Variants in BBS9 observed in about 807,000 individuals in gnomAD.
BBS9 encodes the protein Bardet-Biedl syndrome 9.
In BBS9, 89 loss-of-function variants were observed where a neutral mutation model predicts 117.7. The observed-to-expected ratio is 0.76, with a 90% CI of 0.64 to 0.90. The LOEUF is 0.90. Among genes scored for constraint, BBS9 ranks in the 40% least tolerant of loss-of-function variants. The pLI is 0.00. For synonymous variants in BBS9, 379 were observed against 370.9 expected (o/e 1.02, Z -0.25); for missense variants, 982 against 1,042.2 (o/e 0.94, Z 0.80).
chr7:33,411,011 G>GTTTTGTTTT (rs1831033488), intron 19 of BBS9, among the ~76,000 whole-genome samples: 1 of 96,424 alleles, frequency 1.0e-5, no homozygotes, highest in African/African-American at 3.4e-5. Context: ...AAATGTTGGT[G>GTTTTGTTTT]TTTTTTTTTT....
At chr7:33,212,866 T>A (rs1368821891) in intron 5 of BBS9, among the ~76,000 whole-genome samples, 1 of 151,920 alleles carries the variant, frequency 6.6e-6, no homozygotes, top group African/African-American at 2.4e-5. Flanking sequence ...TTGAACGTAG[T>A]CTCTCTCTCT....
Position 33,328,324 on chromosome 7 carries a change from A to G in BBS9, c.1017-8117A>G, listed in dbSNP as rs145163762. Among the ~76,000 whole-genome samples, 208 of 152,302 alleles carry G rather than the reference A, an allele frequency of 1.4e-3. 1 individual carries two copies. The highest frequency in any genetic ancestry group is 4.8e-3 in the African/African-American group (198 of 41,546). On this transcript the variant is annotated intron_variant, in intron 9 of 22. Transcript: ENST00000242067. ...ATTGCTTTTATTTAAAGTAAGTTTG[A>G]AGTCCTCCCAATTAGACCAAAGATT...
chr7:33,273,765 GA>G, intron 8 of BBS9, 61 bp from the exon 9 acceptor site: 1 of 1,504,268 alleles, frequency 6.6e-7, no homozygotes, highest in South Asian at 1.1e-5. Context: ...TTTCCTAAAA[GA>G]GATATACTTT....
rs369370229 is a variant in BBS9 at position 33,278,687 on chromosome 7, C to T, written c.1016+4731C>T. On this transcript the variant is annotated intron_variant, in intron 9 of 22. Coordinates refer to ENST00000242067, the MANE Select transcript of BBS9 (RefSeq NM_198428.3). Reference sequence around the variant, plus strand: ...TTTCTTCACTGTAATTAGATCTCTGCCCTATGGGTCGACAGTGCCTCACCA... The same window carrying T: ...TTTCTTCACTGTAATTAGATCTCTGTCCTATGGGTCGACAGTGCCTCACCA... Among the ~76,000 whole-genome samples, 28 of 152,194 alleles carry T rather than the reference C, an allele frequency of 1.8e-4. No individual in the cohort carries two copies. In the East Asian group the frequency reaches 5.2e-3, roughly 28 times the overall value.
chr7:33,368,062 A>G (rs1398850245), intron 17 of BBS9, among the ~76,000 whole-genome samples, 200 bp downstream of exon 17: 4 of 152,194 alleles, frequency 2.6e-5, no homozygotes, highest in Admixed American at 1.3e-4. Context: ...GATGTTGCCC[A>G]AGATTACCTT....
At chr7:33,607,248 A>G (rs980500652), downstream of BBS9, among the ~76,000 whole-genome samples, 2 of 152,162 alleles carry the variant, frequency 1.3e-5, no homozygotes, top group Non-Finnish European at 2.9e-5. Flanking sequence ...CCGGTGATTT[A>G]GAACATTGTG....
chr7:33,482,816 T>C (rs1466426214), intron 19 of BBS9, among the ~76,000 whole-genome samples: 2 of 152,204 alleles, frequency 1.3e-5, no homozygotes, highest in Non-Finnish European at 2.9e-5. Flanking sequence ...TGGCCATTCA[T>C]ACCTTACTAT....
rs1789397572 is a variant in BBS9, at chr7:33,217,947, G to A, written c.443-39289G>A. On this transcript the variant is annotated intron_variant, in intron 5 of 22. Transcript: ENST00000242067. ...ATTGGTTGTACATTAAAAGCAAATG[G>A]CGAAAGGAAATAAACAGAAGTATAA... Among the ~76,000 whole-genome samples, 4 of 151,954 alleles carry A rather than the reference G, an allele frequency of 2.6e-5. No homozygotes were observed. The South Asian group carries it at 6.2e-4, about 24-fold the overall frequency.
intron 20 of BBS9, among the ~76,000 whole-genome samples, chr7:33,510,686 A>G (rs767989496): frequency 6.6e-6 from 1 of 152,216 alleles, no homozygotes; most frequent in African/African-American, 2.4e-5. Context: ...AATTTAAATA[A>G]AAAGAAATAA....
intron 9 of BBS9, among the ~76,000 whole-genome samples, chr7:33,276,265 A>G (rs1800749553): frequency 6.6e-6 from 1 of 152,254 alleles, no homozygotes; most frequent in African/African-American, 2.4e-5. Context: ...CATAAAGTTT[A>G]GGAAGGTTTT....
intron 21 of BBS9, among the ~76,000 whole-genome samples, chr7:33,603,389 AAAG>A (rs1257041799): frequency 2.0e-5 from 3 of 152,258 alleles, no homozygotes; most frequent in African/African-American, 4.8e-5. Context: ...GGATGAGTGT[AAAG>A]AAGAAGAAAA....
chr7:33,288,750 A>G (rs1803405627), intron 9 of BBS9, among the ~76,000 whole-genome samples: 1 of 152,340 alleles, frequency 6.6e-6, no homozygotes, highest in Admixed American at 6.5e-5. Flanking sequence ...CACTGTTCTA[A>G]GAATTTATAT....
At chr7:33,497,078 G>C (rs1324431813) in intron 19 of BBS9, among the ~76,000 whole-genome samples, 3 of 152,190 alleles carry the variant, frequency 2.0e-5, no homozygotes, top group Non-Finnish European at 4.4e-5. Context: ...TAGACTGAGA[G>C]TGCGCCTTTC....
intron 5 of BBS9, chr7:33,177,823 TA>T: frequency 2.0e-6 from 1 of 491,142 alleles, no homozygotes; most frequent in Non-Finnish European, 3.6e-6. Flanking sequence ...AGTACTTGGA[TA>T]GGAGACCAAA....
rs1314628621 is a variant in BBS9 at position 33,628,968 on chromosome 7, A to G, written c.2522-6209A>G. The stretch of plus-strand genomic sequence containing the variant: ...AAATGCAATGTAACAAGCACTTCAC[A>G]GTAGTGCACCCAGAGAACCATGAGC... On this transcript the variant is annotated intron_variant, in intron 21 of 21. Coordinates refer to the BBS9 transcript ENST00000671952. 2.0e-5 allele frequency among the ~76,000 whole-genome samples: 3 copies of G among 152,220 alleles called. No homozygotes were observed. The South Asian group carries it at 6.2e-4, about 32-fold the overall frequency.
At chr7:33,326,798 G>T (rs1812948141) in intron 9 of BBS9, among the ~76,000 whole-genome samples, 3 of 151,826 alleles carry the variant, frequency 2.0e-5, no homozygotes, top group Admixed American at 6.6e-5. Context: ...GCTTGGAATG[G>T]GTACCCGAGG....
chr7:33,364,451 C>T (rs1315193114), intron 16 of BBS9, among the ~76,000 whole-genome samples: 1 of 151,944 alleles, frequency 6.6e-6, no homozygotes, highest in Admixed American at 6.6e-5. Flanking sequence ...GGAAGGTTTT[C>T]TCTTATTGTT....
chr7:33,459,762 A>G (rs978538057), intron 19 of BBS9, among the ~76,000 whole-genome samples: 21 of 152,134 alleles, frequency 1.4e-4, no homozygotes, highest in Admixed American at 1.4e-3. Context: ...TCTGGGCATT[A>G]GGTGTGCTTA....
At chr7:33,570,794 A>G (rs1421276872) in intron 21 of BBS9, among the ~76,000 whole-genome samples, 4 of 152,236 alleles carry the variant, frequency 2.6e-5, no homozygotes, top group African/African-American at 9.6e-5. Flanking sequence ...ACAAAGGCAC[A>G]CAACCTCAAT....
Sources: gnomAD v4.1 joint callset for allele counts (sites outside exome capture counted in the v4.1 genomes callset) on GRCh38, gnomAD v4.1.1 for gene constraint, MANE v1.5 for transcripts, NCBI Gene and HGNC (gene_info 2026-07-23, HGNC 2026-07-21) for gene names.